The following RALGAPA2 variants were observed in gnomAD, a reference collection of about 807,000 sequenced individuals.
RALGAPA2 encodes the protein ral GTPase-activating protein subunit alpha-2.
RALGAPA2 carries 139 observed loss-of-function variants against 230.4 expected under a neutral mutation model. The ratio of observed to expected loss-of-function variants is 0.60; its 90% CI spans 0.53 to 0.69. The LOEUF (loss-of-function observed/expected upper bound fraction) is 0.69. RALGAPA2 is among the 30% of genes least tolerant of loss of function. The probability of loss-of-function intolerance (pLI) is 0.00; values close to 1 mark genes in which losing one functional copy is unlikely to be tolerated. For missense variants in RALGAPA2, 2,163 were observed against 2,276.0 expected (o/e 0.95, Z 1.01); for synonymous variants, 847 against 837.8 (o/e 1.01, Z -0.19).
chr20:20,559,715 G>C (rs2064198980), intron 23 of RALGAPA2, among the ~76,000 whole-genome samples: 1 of 150,172 alleles, frequency 6.7e-6, no homozygotes, highest in South Asian at 2.1e-4. Flanking sequence ...GAGCTAATGA[G>C]GAAATAGGAG....
At chr20:20,482,354 C>G (rs540426656) in intron 36 of RALGAPA2, among the ~76,000 whole-genome samples, 4 of 151,990 alleles carry the variant, frequency 2.6e-5, no homozygotes, top group Non-Finnish European at 4.4e-5. Context: ...TTAGGGTGGA[C>G]GCAGATAAAA....
At chr20:20,528,230 G>A (rs1487450567) in intron 27 of RALGAPA2, among the ~76,000 whole-genome samples, 2 of 152,176 alleles carry the variant, frequency 1.3e-5, no homozygotes, top group Non-Finnish European at 1.5e-5. Context: ...CCATTCATTT[G>A]CTCTCTCACT....
chr20:20,678,995 G>A (rs931743388), intron 2 of RALGAPA2, among the ~76,000 whole-genome samples: 3 of 151,972 alleles, frequency 2.0e-5, no homozygotes, highest in East Asian at 1.9e-4. Context: ...CTACTCCATC[G>A]CTTTCCTTTG....
chr20:20,487,909 C>G (rs967847362), intron 36 of RALGAPA2, among the ~76,000 whole-genome samples: 3 of 141,168 alleles, frequency 2.1e-5, no homozygotes, highest in Admixed American at 1.4e-4. Context: ...CAGACTCGGT[C>G]TCGAAAAAAA....
At position 20,643,545 on chromosome 20, in the gene RALGAPA2, T is replaced by C. The variant is rs2067111005; in HGVS notation, c.333A>G (p.Ser111=). ...CAGTGTGTAGAAGCTTCTTTAAAGT[T>C]GAGCCTGAAAGTTTAAAATAATGAA... ...FFRWHYQSIG[S]TLKKLLHTGN... The change falls in exon 5 of 40, where the codon TCA becomes TCG. Residue 111 remains serine (S), a synonymous_variant. Coordinates refer to ENST00000202677, the MANE Select transcript of RALGAPA2 (RefSeq NM_020343.4). 6.8e-7 allele frequency: 1 copy of C among 1,471,024 alleles called. No homozygotes were observed. The allele number at this position is 1,471,024 out of a possible 1,614,324, so 91.1% of individuals were successfully genotyped here. A position where few individuals can be genotyped will look rare whatever the true frequency, so the allele number is the denominator to read the frequency against.
At chr20:20,466,389 C>CTGTGG (rs1569423678) in intron 37 of RALGAPA2, among the ~76,000 whole-genome samples, 7 of 152,208 alleles carry the variant, frequency 4.6e-5, no homozygotes, top group African/African-American at 1.7e-4. Flanking sequence ...GGTCTGCCCA[C>CTGTGG]TCTGGTTTTT....
chr20:20,442,257 A>G (rs1338173900), intron 37 of RALGAPA2, among the ~76,000 whole-genome samples: 2 of 152,258 alleles, frequency 1.3e-5, no homozygotes, highest in Non-Finnish European at 2.9e-5. Flanking sequence ...AATATTTATC[A>G]CATCGTACAC....
At chr20:20,518,517 G>A (rs201152542) in intron 31 of RALGAPA2, among the ~76,000 whole-genome samples, 3 of 152,056 alleles carry the variant, frequency 2.0e-5, no homozygotes, top group African/African-American at 4.8e-5. Flanking sequence ...TGGCAAGGAC[G>A]TGCACACCAA....
At chr20:20,608,280 A>G (rs1169984680) in intron 14 of RALGAPA2, among the ~76,000 whole-genome samples, 1 of 152,218 alleles carries the variant, frequency 6.6e-6, no homozygotes, top group Non-Finnish European at 1.5e-5. Context: ...GCGTAACTTT[A>G]AAGTAATGGC....
intron 1 of RALGAPA2, among the ~76,000 whole-genome samples, chr20:20,688,214 G>C (rs144652603): frequency 4.6e-5 from 7 of 151,876 alleles, no homozygotes; most frequent in Non-Finnish European, 8.8e-5. Context: ...ATGTCTCCTG[G>C]AGAATCACTT....
At chr20:20,460,215 C>T (rs1169018626) in intron 37 of RALGAPA2, among the ~76,000 whole-genome samples, 1 of 152,170 alleles carries the variant, frequency 6.6e-6, no homozygotes. Flanking sequence ...TCAGCTCAAC[C>T]GTTCATTCAT....
chr20:20,709,210 T>C (rs984355491), intron 1 of RALGAPA2, among the ~76,000 whole-genome samples: 1 of 151,978 alleles, frequency 6.6e-6, no homozygotes, highest in Non-Finnish European at 1.5e-5. Flanking sequence ...TCCCAGCCAC[T>C]CAGGAGGCTG....
intron 32 of RALGAPA2, among the ~76,000 whole-genome samples, chr20:20,512,080 C>T (rs780681328): frequency 2.4e-4 from 36 of 151,888 alleles, no homozygotes; most frequent in South Asian, 2.1e-4. Context: ...CCCAGCTACT[C>T]GGGAGGATGA....
chr20:20,425,845 CAGA>C (rs2060372001), intron 37 of RALGAPA2, among the ~76,000 whole-genome samples: 1 of 152,212 alleles, frequency 6.6e-6, no homozygotes, highest in Admixed American at 6.5e-5. Context: ...CCCTCATGAT[CAGA>C]AGTAGCAAAA....
At chr20:20,509,967 A>G (rs1319166746) in intron 33 of RALGAPA2, among the ~76,000 whole-genome samples, 3 of 152,240 alleles carry the variant, frequency 2.0e-5, no homozygotes, top group African/African-American at 7.2e-5. Flanking sequence ...TCAAAACACC[A>G]AAGAAGAATC....
At chr20:20,558,213 C>A (rs1381509958) in intron 23 of RALGAPA2, among the ~76,000 whole-genome samples, 1 of 152,100 alleles carries the variant, frequency 6.6e-6, no homozygotes, top group East Asian at 1.9e-4. Flanking sequence ...GCCATGTTGG[C>A]CAGGCTGGTC....
intron 2 of RALGAPA2, 97 bp downstream of exon 2, chr20:20,680,594 A>G: frequency 1.4e-6 from 2 of 1,401,552 alleles, no homozygotes; most frequent in South Asian, 1.6e-5. Flanking sequence ...GCTTGGCAAG[A>G]AAGAAAGCTT....
rs1489615568 is a variant in RALGAPA2 at position 20,640,793 on chromosome 20, G to A, written c.458C>T (p.Ala153Val). ...NCAEEQVLIF[A>V]CLVPGFPAVM... ...TGCTGGGAAACCAGGCACCAGGCAA[G>A]CAAAAATCAGAACCTGCTCTTCTGC... The change falls in exon 6 of 40, where the codon GCT (alanine) becomes GTT (valine). Residue 153 changes from alanine (A) to valine (V), a missense_variant. Transcript: ENST00000202677. The A allele has an allele frequency of 1.2e-6, 2 of 1,613,768 alleles. No homozygotes were observed. Among genetic ancestry groups the A allele is most frequent in the African/African-American group, 2.7e-5 (2 of 74,934 alleles).
At chr20:20,664,666 C>T (rs1175067218) in intron 3 of RALGAPA2, among the ~76,000 whole-genome samples, 2 of 152,168 alleles carry the variant, frequency 1.3e-5, no homozygotes, top group African/African-American at 2.4e-5. Flanking sequence ...GGTACTAGCA[C>T]TAGTTGGCCA....
Sources: gnomAD v4.1 joint callset for allele counts (sites outside exome capture counted in the v4.1 genomes callset) on GRCh38, gnomAD v4.1.1 for gene constraint, MANE v1.5 for transcripts, NCBI Gene and HGNC (gene_info 2026-07-23, HGNC 2026-07-21) for gene names.